SNX25: variants seen among roughly 807,000 people sequenced by gnomAD.
SNX25 encodes the protein sorting nexin-25.
SNX25 carries 62 observed loss-of-function variants against 113.7 expected under a neutral mutation model. That is an observed-to-expected ratio of 0.55 (90% CI 0.44 to 0.67). The LOEUF (loss-of-function observed/expected upper bound fraction) is 0.67. SNX25 is among the 30% of genes least tolerant of loss of function. SNX25 has a pLI of 0.00. For synonymous variants in SNX25, 421 were observed against 436.2 expected, an observed-to-expected ratio of 0.97 and a Z score of 0.43; for missense variants, 1,014 against 1,161.0, an observed-to-expected ratio of 0.87 and a Z score of 1.84.
rs923216761 is a variant in SNX25 at position 185,363,033 on chromosome 4, G to C, written c.2934+322G>C. On this transcript the variant is annotated intron_variant, in intron 18 of 18. Coordinates refer to ENST00000652585, the MANE Select transcript of SNX25 (RefSeq NM_001378034.2). This position sits in a 1 kb window ranked among gnomAD's most constrained non-coding sequence, Gnocchi z 4.2. ...AACTTTTGTATTTTTAGTAGAGATG[G>C]GGTTTCGCCATGTTGGCTGGGATGG... 5.9e-5 allele frequency among the ~76,000 whole-genome samples: 9 copies of C among 151,912 alleles called. No individual in the cohort carries two copies. Among genetic ancestry groups the C allele is most frequent in the African/African-American group, 2.2e-4 (9 of 41,350 alleles).
chr4:185,309,190 A>G (rs565059248), intron 6 of SNX25, among the ~76,000 whole-genome samples: 1 of 152,230 alleles, frequency 6.6e-6, no homozygotes, highest in East Asian at 1.9e-4. Flanking sequence ...TCCTCTCCAT[A>G]TAGATCTCTC....
intron 2 of SNX25, among the ~76,000 whole-genome samples, chr4:185,252,432 A>G (rs752396999): frequency 2.7e-4 from 41 of 152,192 alleles, no homozygotes; most frequent in Non-Finnish European, 5.1e-4. Context: ...CATTTGCAAA[A>G]CATTAAACAA....
chr4:185,240,535 C>A (rs1176417082), intron 1 of SNX25, among the ~76,000 whole-genome samples: 1 of 147,526 alleles, frequency 6.8e-6, no homozygotes, highest in African/African-American at 2.5e-5. Context: ...GACCCCCCCA[C>A]CTCCCTCCTG....
chr4:185,227,476 C>G (rs574389471), intron 1 of SNX25, among the ~76,000 whole-genome samples: 1 of 152,336 alleles, frequency 6.6e-6, no homozygotes, highest in South Asian at 2.1e-4. Context: ...TGTGCATTCA[C>G]CCGGGAAGGA....
exon 12 of SNX25, chr4:185,369,807 T>G: frequency 2.3e-6 from 1 of 437,968 alleles, no homozygotes; most frequent in South Asian, 1.7e-5. Flanking sequence ...TTTTCTGAAA[T>G]AAGGCCTGAA....
chr4:185,251,507 G>C (rs185959402), intron 2 of SNX25, among the ~76,000 whole-genome samples: 9 of 151,960 alleles, frequency 5.9e-5, no homozygotes, highest in African/African-American at 2.2e-4. Flanking sequence ...TTTTGTGTTT[G>C]GCTTATTTTA....
intron 1 of SNX25, among the ~76,000 whole-genome samples, chr4:185,228,017 C>T (rs77171642): frequency 0.019 from 2,856 of 152,186 alleles, 75 homozygotes; most frequent in African/African-American, 0.065. Flanking sequence ...CAACAGTATC[C>T]AGTGGGGCAG....
intron 6 of SNX25, among the ~76,000 whole-genome samples, chr4:185,307,894 A>G (rs570361058): frequency 6.6e-6 from 1 of 152,330 alleles, no homozygotes; most frequent in Non-Finnish European, 1.5e-5. Flanking sequence ...ATCTGGAACT[A>G]TAGGCATGCA....
chr4:185,262,333 C>G (rs1349439942), intron 3 of SNX25, among the ~76,000 whole-genome samples: 2 of 152,176 alleles, frequency 1.3e-5, no homozygotes, highest in African/African-American at 4.8e-5. Flanking sequence ...TGTCTCGCTC[C>G]AGCATGTTTT....
the SNX25 span, chr4:185,377,947 A>G: frequency 1.1e-5 from 8 of 705,322 alleles, no homozygotes; most frequent in South Asian, 1.4e-4. Context: ...CTTGCGGGAA[A>G]ACTCAAAAGG....
intron 13 of SNX25, among the ~76,000 whole-genome samples, chr4:185,348,911 A>T (rs2095301575): frequency 1.3e-5 from 2 of 149,138 alleles, no homozygotes; most frequent in South Asian, 4.6e-4. Flanking sequence ...TACCTCTAAT[A>T]TATCAATTTT....
At chr4:185,337,467 A>G (rs2095237466) in intron 10 of SNX25, among the ~76,000 whole-genome samples, 1 of 151,474 alleles carries the variant, frequency 6.6e-6, no homozygotes, top group Admixed American at 6.5e-5. Flanking sequence ...TGTTTATACC[A>G]CATTTTGTTT....
intron 1 of SNX25, among the ~76,000 whole-genome samples, chr4:185,221,188 G>A (rs759008052): frequency 2.8e-4 from 43 of 151,776 alleles, no homozygotes; most frequent in Non-Finnish European, 5.0e-4. Context: ...GCATGCCACC[G>A]CACTCAACTA....
intron 9 of SNX25, among the ~76,000 whole-genome samples, chr4:185,331,079 C>T (rs1454788478): frequency 2.0e-5 from 3 of 152,312 alleles, no homozygotes; most frequent in Non-Finnish European, 2.9e-5. Context: ...ACCTTCACCT[C>T]GGATTCAAAG....
At chr4:185,270,577 C>T (rs747820692) in intron 5 of SNX25, among the ~76,000 whole-genome samples, 6 of 152,124 alleles carry the variant, frequency 3.9e-5, no homozygotes, top group Admixed American at 6.5e-5. Flanking sequence ...TGTACAATTC[C>T]GTGGTTTTAG....
chr4:185,212,926 G>T (rs2111478833), intron 1 of SNX25, among the ~76,000 whole-genome samples: 1 of 152,298 alleles, frequency 6.6e-6, no homozygotes, highest in East Asian at 1.9e-4. Flanking sequence ...CAGACACTGG[G>T]ATCAGTCCTT....
At chr4:185,346,015 G>T (rs1047611388) in intron 12 of SNX25, among the ~76,000 whole-genome samples, 1 of 152,020 alleles carries the variant, frequency 6.6e-6, no homozygotes, top group Non-Finnish European at 1.5e-5. Flanking sequence ...GTGCCATCAC[G>T]CCAGGCTAAT....
rs1749818877 is a variant in SNX25, at chr4:185,277,120, G to A, written c.1091+9965G>A. ...GCTCAGTGCAACCTCTGCCTCTCGG[G>A]TTCAAGTGATTCTTGTGCCTCAGCC... On this transcript the variant is annotated intron_variant, in intron 5 of 18. Coordinates refer to ENST00000652585, the MANE Select transcript of SNX25 (RefSeq NM_001378034.2). Among the ~76,000 whole-genome samples, 4 of 152,280 alleles carry A rather than the reference G, an allele frequency of 2.6e-5. 1 individual carries two copies. Among genetic ancestry groups the A allele is most frequent in the South Asian group, 2.1e-4 (1 of 4,822 alleles).
intron 6 of SNX25, among the ~76,000 whole-genome samples, chr4:185,302,488 TG>T (rs1753849227): frequency 6.6e-6 from 1 of 152,086 alleles, no homozygotes; most frequent in Non-Finnish European, 1.5e-5. Context: ...GCTTGGTGTT[TG>T]GGGAAAAAAC....
Sources: allele counts gnomAD v4.1 joint callset (sites outside exome capture counted in the v4.1 genomes callset), GRCh38; gene constraint gnomAD v4.1.1; non-coding constraint Gnocchi (gnomAD v3.1); transcripts MANE v1.5; gene names NCBI Gene and HGNC (gene_info 2026-07-23, HGNC 2026-07-21).